ABCA1: variants seen among roughly 807,000 people sequenced by gnomAD.
The protein encoded by ABCA1 is ATP binding cassette subfamily A member 1.
Under a neutral mutation model 262.5 loss-of-function variants are expected in ABCA1, and 133 were observed. The ratio of observed to expected loss-of-function variants is 0.51; its 90% CI spans 0.44 to 0.59. The LOEUF is 0.59. Ranked by LOEUF, ABCA1 falls within the 20% of genes least tolerant of loss-of-function variation. The pLI, the probability that ABCA1 is intolerant of heterozygous loss-of-function variation, is 0.00. For synonymous variants in ABCA1, 1,022 were observed against 1,043.5 expected, an observed-to-expected ratio of 0.98 and a Z score of 0.40; for missense variants, 2,452 against 2,777.5, an observed-to-expected ratio of 0.88 and a Z score of 2.63.
At chr9:104,886,037 G>A (rs2118299748) in intron 3 of ABCA1, among the ~76,000 whole-genome samples, 1 of 152,304 alleles carries the variant, frequency 6.6e-6, no homozygotes, top group Middle Eastern at 3.4e-3. Flanking sequence ...ACTTCACAGA[G>A]CTGTGGTGAG....
chr9:104,824,437 G>C, intron 18 of ABCA1, 28 bp downstream of exon 18: 1 of 1,613,900 alleles, frequency 6.2e-7, no homozygotes, highest in Non-Finnish European at 8.5e-7. Flanking sequence ...CTAGGTTAAA[G>C]AAAGAGCAGG....
Position 104,883,144 on chromosome 9 carries a change from A to G in ABCA1, c.316T>C (p.Phe106Leu), listed in dbSNP as rs774529961. 2 of 1,614,106 alleles carry G rather than the reference A, an allele frequency of 1.2e-6. No homozygotes were observed. Among genetic ancestry groups the G allele is most frequent in the Non-Finnish European group, 1.7e-6 (2 of 1,180,016 alleles). The stretch of plus-strand genomic sequence containing the variant: ...AAAAGAAGCCTCCGAGCATCTGAGA[A>G]CAGGCGAGCCACACTGTAAAGGGTG... Reference protein sequence around the residue: ...NFNKSIVARLFSDARRLLLYS... With the variant: ...NFNKSIVARLLSDARRLLLYS... The change falls in exon 5 of 50, where the codon TTC becomes CTC. Residue 106 changes from phenylalanine to leucine, a missense_variant. This residue lies in a region of ABCA1 where 1,032 missense variants were observed against 1,089.7 expected (regional missense o/e 0.95). Coordinates refer to ENST00000374736, the MANE Select transcript of ABCA1 (RefSeq NM_005502.4).
In ABCA1 at chr9:104,831,043, C is replaced by G; in HGVS notation, c.1774G>C (p.Gly592Arg). ...PFEDMRYVWGGFAYLQDVVEQ... is the reference protein window; with the variant it reads ...PFEDMRYVWGRFAYLQDVVEQ... ...ACCACATCCTGCAAGTAGGCGAAGC[C>G]CCCCCAGACGTACCGCATGTCCTCA... is the stretch of plus-strand genomic sequence containing the variant. Residue 592 changes from glycine (G) to arginine (R), a missense_variant, in exon 14 of 50, where the codon GGC becomes CGC. Around this residue, in one of 4 missense-constraint regions of ABCA1, gnomAD observed 1,032 missense variants for 1,089.7 expected, o/e 0.95. Coordinates refer to ENST00000374736, the MANE Select transcript of ABCA1 (RefSeq NM_005502.4). 1.2e-6 allele frequency: 2 copies of G among 1,613,610 alleles called. No homozygotes were observed. The highest frequency in any genetic ancestry group is 1.3e-5 in the African/African-American group (1 of 74,844).
chr9:104,787,849 A>G, intron 46 of ABCA1, 71 bp downstream of exon 46: 1 of 1,613,772 alleles, frequency 6.2e-7, no homozygotes, highest in Non-Finnish European at 8.5e-7. Flanking sequence ...CCCTGGACAT[A>G]TAGGACTTTT....
chr9:104,795,996 T>C (rs1829863844), intron 39 of ABCA1, 57 bp downstream of exon 39: 3 of 1,608,210 alleles, frequency 1.9e-6, no homozygotes, highest in Middle Eastern at 2.3e-4. Context: ...TTAAACACTG[T>C]CCTCTGGCTC....
intron 5 of ABCA1, among the ~76,000 whole-genome samples, chr9:104,873,588 C>T (rs2000069): frequency 0.55 from 83,269 of 152,106 alleles, 25,827 homozygotes; most frequent in African/African-American, 0.86. Flanking sequence ...CAACAGAGCA[C>T]GAGAAACTGG....
chr9:104,804,865 C>T, intron 31 of ABCA1, 145 bp from the exon 32 acceptor site: 1 of 749,212 alleles, frequency 1.3e-6, no homozygotes, highest in Non-Finnish European at 2.4e-6. Flanking sequence ...TCAACCAGCA[C>T]TGAGACTTGG....
intron 7 of ABCA1, chr9:104,856,021 GCTGCTACTGCTGCA>G (rs747364362): frequency 3.1e-6 from 5 of 1,612,766 alleles, no homozygotes; most frequent in Non-Finnish European, 4.2e-6. Flanking sequence ...ATCTCCGGTT[GCTGCTACTGCTGCA>G]CTTCTTGGCA....
intron 2 of ABCA1, among the ~76,000 whole-genome samples, chr9:104,892,857 T>C (rs1435446248): frequency 2.0e-5 from 3 of 152,208 alleles, no homozygotes; most frequent in Admixed American, 6.5e-5. Context: ...CATTGAAACA[T>C]TATAATTGCA....
At chr9:104,841,943 T>A (rs1834414042) in intron 8 of ABCA1, among the ~76,000 whole-genome samples, 1 of 152,226 alleles carries the variant, frequency 6.6e-6, no homozygotes, top group Non-Finnish European at 1.5e-5. Context: ...CCTGTATTCC[T>A]GGAAATGTCA....
Position 104,798,467 on chromosome 9 carries a change from C to T in ABCA1, c.5075G>A (p.Gly1692Glu), listed in dbSNP as rs1450255575. Residue 1692 changes from glycine (G) to glutamate (E), a missense_variant, in exon 37 of 50, where the codon GGA (glycine) becomes GAA (glutamate). By Grantham distance (98) the Gly-to-Glu change is moderately conservative. Transcript: ENST00000374736. ...SKAKHLQFIS[G>E]VKPVIYWLSN... is the part of the protein sequence containing the mutation. The stretch of plus-strand genomic sequence containing the variant: ...GAGCCAGTAGATGACAGGCTTCACT[C>T]CACTGATGAACTGCAGGTGTTTTGC... 6.2e-7 allele frequency: 1 copy of T among 1,614,066 alleles called. No individual in the cohort carries two copies. Among genetic ancestry groups the T allele is most frequent in the Non-Finnish European group, 8.5e-7 (1 of 1,180,032 alleles).
Position 104,788,506 on chromosome 9 carries a change from T to C in ABCA1, c.5989A>G (p.Ile1997Val), listed in dbSNP as rs752519817. 1 of 1,614,204 alleles carries C rather than the reference T, an allele frequency of 6.2e-7. No homozygotes were observed. Among genetic ancestry groups the C allele is most frequent in the Non-Finnish European group, 8.5e-7 (1 of 1,180,034 alleles). The change falls in exon 45 of 50, where the codon ATC becomes GTC. Residue 1997 changes from isoleucine to valine, a missense_variant. Ile to Val is a conservative substitution (Grantham distance 29). Around this residue, in one of 4 missense-constraint regions of ABCA1, gnomAD observed 752 missense variants for 944.5 expected, o/e 0.80. Transcript: ENST00000374736. Reference sequence around the variant, plus strand: ...TCTCTCCCAGTCAACAGCTCTGTGATGGCATCAAACTGAGGGCAGTAGCCC... The same window carrying C: ...TCTCTCCCAGTCAACAGCTCTGTGACGGCATCAAACTGAGGGCAGTAGCCC... ...NMGYCPQFDA[I>V]TELLTGREHV...
At position 104,800,508 on chromosome 9, in the gene ABCA1, AC is replaced by A; in HGVS notation, c.4773+1del. 1 of 1,613,202 alleles carries A rather than the reference AC, an allele frequency of 6.2e-7. No individual in the cohort carries two copies. The highest frequency in any genetic ancestry group is 1.1e-5 in the South Asian group (1 of 91,060). ...GCTACTAGAACAAAGACAGCGGTTTACCTTGACATTATTTTTGGTGTCCAGT... is the reference window on the plus strand; with the variant it reads ...GCTACTAGAACAAAGACAGCGGTTTACTTGACATTATTTTTGGTGTCCAGT... On this transcript the variant is annotated splice_donor_variant, in intron 35 of 49. Coordinates refer to ENST00000374736, the MANE Select transcript of ABCA1 (RefSeq NM_005502.4). LOFTEE classifies it high-confidence loss of function.
At chr9:104,895,028 C>T (rs980608445) in intron 2 of ABCA1, among the ~76,000 whole-genome samples, 2 of 152,066 alleles carry the variant, frequency 1.3e-5, no homozygotes, top group Admixed American at 6.5e-5. Context: ...AATCAGATTT[C>T]TCCTCCTTCT....
Position 104,903,152 on chromosome 9 carries a change from T to C in ABCA1, c.66+462A>G, listed in dbSNP as rs550740622. Among the ~76,000 whole-genome samples, 70 of 152,298 alleles carry C rather than the reference T, an allele frequency of 4.6e-4. No homozygotes were observed. The South Asian group carries it at 0.013, about 28-fold the overall frequency. On this transcript the variant is annotated intron_variant, in intron 2 of 49. Transcript: ENST00000374736. ...GCAGAAATAAAACAAGTCTCAGTTA[T>C]TATATTCCTCCAGGCCTGAAGGAAA...
At chr9:104,846,799 C>T (rs749828184) in intron 7 of ABCA1, among the ~76,000 whole-genome samples, 4 of 152,044 alleles carry the variant, frequency 2.6e-5, no homozygotes, top group Non-Finnish European at 4.4e-5. Flanking sequence ...CTCCCTTAAA[C>T]GTCAGACTCA....
intron 2 of ABCA1, among the ~76,000 whole-genome samples, chr9:104,891,197 T>C (rs548675900): frequency 2.6e-5 from 4 of 152,346 alleles, no homozygotes; most frequent in African/African-American, 9.6e-5. Flanking sequence ...TGTTGTTTTA[T>C]TTCTGATATT....
rs746868562 is a variant in ABCA1 at position 104,814,238 on chromosome 9, G to T, written c.3788-7C>A. 3.7e-6 allele frequency: 6 copies of T among 1,613,584 alleles called. No homozygotes were observed. Among genetic ancestry groups the T allele is most frequent in the East Asian group, 4.5e-5 (2 of 44,890 alleles). On this transcript the variant is annotated splice_region_variant and splice_polypyrimidine_tract_variant and intron_variant, in intron 26 of 49. Transcript: ENST00000374736. The stretch of plus-strand genomic sequence containing the variant: ...CTTGCTGGCAAGGTACCATCTGAAG[G>T]CACAAGGAAAGAATCCCATACTTTA...
intron 31 of ABCA1, among the ~76,000 whole-genome samples, chr9:104,805,594 G>A (rs1208241674): frequency 1.3e-5 from 2 of 152,198 alleles, no homozygotes; most frequent in Non-Finnish European, 2.9e-5. Flanking sequence ...ATCCACAGGA[G>A]TTTTCTGGTC....
Sources: allele counts gnomAD v4.1 joint callset (sites outside exome capture counted in the v4.1 genomes callset), GRCh38; gene constraint gnomAD v4.1.1; regional missense constraint gnomAD v4.1.1; transcripts MANE v1.5; gene names NCBI Gene and HGNC (gene_info 2026-07-23, HGNC 2026-07-21).